Variants in LRRC4C observed in about 807,000 individuals in gnomAD.
LRRC4C encodes leucine rich repeat containing 4C, also known as leucine-rich repeat-containing protein 4C.
A neutral mutation model predicts 33.6 loss-of-function variants in LRRC4C; 5 were observed. That is an observed-to-expected ratio of 0.15 (90% CI 0.08 to 0.31). LRRC4C has a LOEUF of 0.31. Ranked by LOEUF, LRRC4C falls within the 10% of genes least tolerant of loss-of-function variation. The pLI is 1.00. For synonymous variants in LRRC4C, 329 were observed against 302.0 expected (o/e 1.09, Z -0.93); for missense variants, 560 against 796.7 (o/e 0.70, Z 3.58).
intron 1 of LRRC4C, among the ~76,000 whole-genome samples, chr11:40,951,940 C>T (rs1958710699): frequency 6.6e-6 from 1 of 151,856 alleles, no homozygotes; most frequent in African/African-American, 2.4e-5. Flanking sequence ...TTCTTCATGC[C>T]TCAGTTGCCC....
At chr11:41,011,368 T>G (rs1331091883) in intron 1 of LRRC4C, among the ~76,000 whole-genome samples, 1 of 152,172 alleles carries the variant, frequency 6.6e-6, no homozygotes, top group African/African-American at 2.4e-5. Flanking sequence ...ATAGTACATC[T>G]TCTGCTAATG....
At chr11:41,153,161 G>A (rs1211968775) in intron 1 of LRRC4C, among the ~76,000 whole-genome samples, 1 of 152,002 alleles carries the variant, frequency 6.6e-6, no homozygotes, top group East Asian at 1.9e-4. Flanking sequence ...GCCTTATGAA[G>A]TCTCTACTCC....
intron 1 of LRRC4C, among the ~76,000 whole-genome samples, chr11:41,329,528 C>T (rs899847856): frequency 4.6e-5 from 7 of 152,236 alleles, no homozygotes; most frequent in South Asian, 2.1e-4. Context: ...CCTCAGCTTT[C>T]ACTTCCAATC....
chr11:40,224,496 A>C (rs1275808452), intron 5 of LRRC4C, among the ~76,000 whole-genome samples: 1 of 152,260 alleles, frequency 6.6e-6, no homozygotes, highest in Non-Finnish European at 1.5e-5. Flanking sequence ...AAGAAAATGC[A>C]ACATAGCCCA....
chr11:41,003,665 T>C (rs992233214), intron 1 of LRRC4C, among the ~76,000 whole-genome samples: 3 of 151,686 alleles, frequency 2.0e-5, no homozygotes, highest in African/African-American at 7.3e-5. Flanking sequence ...CATTTTTAGG[T>C]TTGTGAATAG....
At chr11:40,588,245 T>C (rs1958857204) in intron 3 of LRRC4C, among the ~76,000 whole-genome samples, 1 of 150,810 alleles carries the variant, frequency 6.6e-6, no homozygotes, top group Non-Finnish European at 1.5e-5. Context: ...TTCTTCTAGA[T>C]TTTCTAGTTT....
At chr11:40,565,526 G>A (rs1446049278) in intron 3 of LRRC4C, among the ~76,000 whole-genome samples, 3 of 152,070 alleles carry the variant, frequency 2.0e-5, no homozygotes, top group Admixed American at 2.0e-4. Flanking sequence ...GGGACCTAGT[G>A]GTCTGGCTGA....
chr11:40,941,382 A>T (rs1008957599), intron 1 of LRRC4C, among the ~76,000 whole-genome samples: 10 of 152,112 alleles, frequency 6.6e-5, no homozygotes, highest in Admixed American at 3.3e-4. Context: ...CATAGATTTT[A>T]TGTTAAATAT....
At chr11:40,130,762 A>G (rs547557864) in intron 6 of LRRC4C, among the ~76,000 whole-genome samples, 2 of 152,192 alleles carry the variant, frequency 1.3e-5, no homozygotes, top group South Asian at 2.1e-4. Flanking sequence ...TGTATCTCCC[A>G]CTGTTCTTAA....
intron 3 of LRRC4C, among the ~76,000 whole-genome samples, chr11:40,617,475 T>G (rs149410924): frequency 3.0e-4 from 46 of 151,794 alleles, no homozygotes; most frequent in African/African-American, 1.1e-3. Flanking sequence ...TGAATTAAAT[T>G]GAATTAAATG....
rs377090325 is a variant in LRRC4C at position 41,369,548 on chromosome 11, TA to T, written c.-496+89882del. On this transcript the variant is annotated intron_variant, in intron 1 of 6. Transcript: ENST00000528697. ...GTACCCCTGAGCTTAAAATAAAAATTAAAAAAAAAAAAGATTGGGAAATCAG... is the reference window on the plus strand; with the variant it reads ...GTACCCCTGAGCTTAAAATAAAAATTAAAAAAAAAAAGATTGGGAAATCAG... Among the ~76,000 whole-genome samples the T allele has an allele frequency of 4.1e-3, 575 of 141,748 alleles. 4 individuals are homozygous for T. Among genetic ancestry groups the T allele is most frequent in the African/African-American group, 0.012 (483 of 38,782 alleles). The allele number at this position is 141,748 out of a possible 152,430, so 93.0% of individuals were successfully genotyped here. A position where few individuals can be genotyped will look rare whatever the true frequency, so the allele number is the denominator to read the frequency against.
At chr11:41,256,028 C>T (rs1337964355) in intron 1 of LRRC4C, among the ~76,000 whole-genome samples, 1 of 151,954 alleles carries the variant, frequency 6.6e-6, no homozygotes, top group African/African-American at 2.4e-5. Context: ...AAGAAGGAAA[C>T]ATTTTTAAAA....
chr11:41,133,233 A>G (rs1055324975), intron 1 of LRRC4C, among the ~76,000 whole-genome samples: 1 of 152,114 alleles, frequency 6.6e-6, no homozygotes, highest in African/African-American at 2.4e-5. Flanking sequence ...CTAGGCTAAT[A>G]TACCCTCTGG....
At chr11:41,321,378 T>C (rs911642544) in intron 1 of LRRC4C, among the ~76,000 whole-genome samples, 8 of 152,126 alleles carry the variant, frequency 5.3e-5, no homozygotes, top group Non-Finnish European at 1.2e-4. Context: ...CTAAGACAAA[T>C]TTTTTGAATG....
intron 5 of LRRC4C, among the ~76,000 whole-genome samples, chr11:40,240,611 T>A (rs1865868591): frequency 6.6e-6 from 1 of 152,202 alleles, no homozygotes; most frequent in Admixed American, 6.5e-5. Flanking sequence ...GCTGTCAGTT[T>A]GTCTAAAATG....
At chr11:40,441,757 A>C (rs1053506307) in intron 3 of LRRC4C, among the ~76,000 whole-genome samples, 1 of 152,228 alleles carries the variant, frequency 6.6e-6, no homozygotes, top group Non-Finnish European at 1.5e-5. Flanking sequence ...GGTTGCTGTG[A>C]AGATCATGTA....
chr11:40,762,141 A>C (rs1269601484), intron 2 of LRRC4C, among the ~76,000 whole-genome samples: 1 of 152,182 alleles, frequency 6.6e-6, no homozygotes, highest in East Asian at 1.9e-4. Flanking sequence ...GGAGCAAGCC[A>C]TGGAAAGCTA....
chr11:40,755,085 T>G (rs1948880717), intron 2 of LRRC4C, among the ~76,000 whole-genome samples: 1 of 152,108 alleles, frequency 6.6e-6, no homozygotes, highest in Non-Finnish European at 1.5e-5. Flanking sequence ...AGAGTTTATC[T>G]ATTGAGTTTG....
chr11:41,330,286 T>A (rs1177334031), intron 1 of LRRC4C, among the ~76,000 whole-genome samples: 1 of 152,230 alleles, frequency 6.6e-6, no homozygotes, highest in Non-Finnish European at 1.5e-5. Flanking sequence ...TCATTTGAAT[T>A]CTCATTACTG....
Sources: allele counts gnomAD v4.1 joint callset (sites outside exome capture counted in the v4.1 genomes callset), GRCh38; gene constraint gnomAD v4.1.1; transcripts MANE v1.5; gene names NCBI Gene and HGNC (gene_info 2026-07-23, HGNC 2026-07-21).